LILRB1: variants seen among roughly 807,000 people sequenced by gnomAD.
The protein encoded by LILRB1 is leukocyte immunoglobulin-like receptor subfamily B member 1.
LILRB1 carries 59 observed loss-of-function variants against 74.6 expected under a neutral mutation model. The observed-to-expected ratio is 0.79, with a 90% confidence interval of 0.64 to 0.98. The LOEUF (loss-of-function observed/expected upper bound fraction) is 0.98, where lower values mean the gene tolerates loss of function less well. Among genes scored for constraint, LILRB1 ranks in the 50% least tolerant of loss-of-function variants. LILRB1 has a pLI of 0.00. For synonymous variants in LILRB1, 328 were observed against 333.9 expected (o/e 0.98, Z 0.19); for missense variants, 804 against 822.6 (o/e 0.98, Z 0.28).
Position 54,631,298 on chromosome 19 carries a change from T to C in LILRB1, c.62T>C (p.Val21Ala). ...LGLSLGPRTH[V>A]QAGHLPKPTL... ...CTGAGTCTGGGCCCCCGGACCCACG[T>C]GCAGGCAGGTGAGTCTGTCCCCAGC... Residue 21 changes from valine to alanine, a missense_variant, in exon 3 of 15, where the codon GTG becomes GCG. Physicochemically the swap from Val to Ala is moderately conservative, Grantham distance 64. Transcript: ENST00000324602. 1 of 1,613,374 alleles carries C rather than the reference T, an allele frequency of 6.2e-7. No individual in the cohort carries two copies. Among genetic ancestry groups the C allele is most frequent in the Non-Finnish European group, 8.5e-7 (1 of 1,179,926 alleles).
intron 1 of LILRB1, among the ~76,000 whole-genome samples, chr19:54,620,473 A>C (rs2063426172): frequency 6.6e-6 from 1 of 152,022 alleles, no homozygotes; most frequent in African/African-American, 2.4e-5. Flanking sequence ...CACATTCTTA[A>C]TTTTAAATGC....
At chr19:54,634,433 G>A (rs1460811271) in intron 9 of LILRB1, 2 of 1,520,898 alleles carry the variant, frequency 1.3e-6, no homozygotes, top group Admixed American at 3.9e-5. Flanking sequence ...TCCCAGCTCT[G>A]CCGCTTCCTG....
intron 1 of LILRB1, among the ~76,000 whole-genome samples, chr19:54,622,562 A>C (rs545608677): frequency 7.0e-4 from 107 of 152,344 alleles, no homozygotes; most frequent in African/African-American, 2.5e-3. Context: ...CAAGTCTACG[A>C]GTCTTCTGGA....
rs1490796848 is a variant in LILRB1 at position 54,631,611 on chromosome 19, A to G, written c.182A>G (p.Tyr61Cys). 1 of 1,614,282 alleles carries G rather than the reference A, an allele frequency of 6.2e-7. No individual in the cohort carries two copies. The highest frequency in any genetic ancestry group is 8.5e-7 in the Non-Finnish European group (1 of 1,180,050). The part of the protein sequence containing the change: ...GGQETQEYRL[Y>C]REKKTAPWIT... ...CAGGAGACCCAGGAGTACCGTCTAT[A>G]TAGAGAAAAGAAAACAGCACCCTGG... is the stretch of plus-strand genomic sequence containing the variant. Residue 61 changes from tyrosine to cysteine, a missense_variant, in exon 4 of 15, where the codon TAT becomes TGT. Transcript: ENST00000324602.
upstream of LILRB1, among the ~76,000 whole-genome samples, chr19:54,626,899 A>G (rs911705283): frequency 1.3e-5 from 2 of 152,312 alleles, no homozygotes; most frequent in Middle Eastern, 3.4e-3. Flanking sequence ...GGTGGGGCCC[A>G]TGTGAGCCTC....
intron 4 of LILRB1, 39 bp downstream of exon 4, chr19:54,631,826 C>T (rs1482997402): frequency 5.6e-6 from 9 of 1,609,250 alleles, no homozygotes; most frequent in South Asian, 1.1e-5. Context: ...CAGACTCTGC[C>T]CTCAGGAAGG....
intron 1 of LILRB1, 152 bp from the exon 2 acceptor site, chr19:54,630,874 T>C: frequency 1.5e-6 from 1 of 667,398 alleles, no homozygotes; most frequent in Non-Finnish European, 2.1e-6. Flanking sequence ...GAGGGCCTAG[T>C]GACTGCCCCC....
In LILRB1 at chr19:54,635,491, G is replaced by A. The variant is rs373047969; in HGVS notation, c.1601-66G>A. 235 of 1,570,274 alleles carry A rather than the reference G, an allele frequency of 1.5e-4. 2 individuals are homozygous for A. The East Asian group carries it at 3.1e-3, about 21-fold the overall frequency. ...GGCCCCATCTGGGAGCTGAGCAGGG[G>A]CTGGCAGGACTCAGAGGTCCCAGGG... On this transcript the variant is annotated intron_variant, in intron 12 of 14. Transcript: ENST00000324602.
rs530635990 is a variant in LILRB1, at chr19:54,630,539, G to A, written c.-143G>A. The A allele has an allele frequency of 2.6e-4, 145 of 555,916 alleles. 1 individual carries two copies. The highest frequency in any genetic ancestry group is 2.4e-3 in the African/African-American group (129 of 52,884). The allele number at this position is 555,916 out of a possible 1,614,324, so 34.4% of individuals were successfully genotyped here. ...CAGCTCAGCCTGGGCGGCACAGCCA[G>A]ATGCGAGATGCGTCTCTGCTGATCT... On this transcript the variant is annotated 5_prime_UTR_variant, in exon 1 of 15. Transcript: ENST00000324602.
intron 9 of LILRB1, 160 bp downstream of exon 9, chr19:54,634,181 G>A (rs1053287307): frequency 1.3e-4 from 193 of 1,504,892 alleles, no homozygotes; most frequent in Non-Finnish European, 1.6e-4. Context: ...GCCTGCGGGT[G>A]GGAAAGTTCC....
At chr19:54,631,845 T>A in intron 4 of LILRB1, 58 bp downstream of exon 4, 4 of 1,605,568 alleles carry the variant, frequency 2.5e-6, no homozygotes, top group Non-Finnish European at 3.4e-6. Context: ...GGGGGACGGC[T>A]CTCAGGGGCT....
At position 54,634,344 on chromosome 19, in the gene LILRB1, GTCAGGC is replaced by G. The variant is rs542430145; in HGVS notation, c.1364-294_1364-289del. 487 of 1,541,358 alleles carry G rather than the reference GTCAGGC, an allele frequency of 3.2e-4. 1 individual carries two copies. The African/African-American group carries it at 5.8e-3, about 18-fold the overall frequency. ...GGGAGAAGAGTCATGGTTCAGGACGGTCAGGCTCTTTCCCTGCAGCTCCGGGGCTCG... is the reference window on the plus strand; with the variant it reads ...GGGAGAAGAGTCATGGTTCAGGACGGTCTTTCCCTGCAGCTCCGGGGCTCG... On this transcript the variant is annotated intron_variant, in intron 9 of 14. Coordinates refer to ENST00000324602, the MANE Select transcript of LILRB1 (RefSeq NM_001081637.3).
rs2064220501 is a variant in LILRB1, at chr19:54,634,554, G to T, written c.1364-87G>T. 12 of 1,523,564 alleles carry T rather than the reference G, an allele frequency of 7.9e-6. No individual in the cohort carries two copies. The South Asian group carries it at 1.5e-4, about 18-fold the overall frequency. The allele number at this position is 1,523,564 out of a possible 1,614,324, so 94.4% of individuals were successfully genotyped here. ...ACGACTGTTGTGGGGGTTGGAGGTG[G>T]TGAACAGAAGGTCCAGCAGTCACCT... On this transcript the variant is annotated intron_variant, in intron 9 of 14. Coordinates refer to ENST00000324602, the MANE Select transcript of LILRB1 (RefSeq NM_001081637.3).
In LILRB1 at chr19:54,631,078, C is replaced by A. The variant is rs776700799; in HGVS notation, c.5C>A (p.Thr2Asn). ...AGGGCAGTGGGAGGAGACGCCATGA[C>A]CCCCATCCTCACGGTCCTGATCTGT... M[T>N]PILTVLICLG... Residue 2 changes from threonine to asparagine, a missense_variant, in exon 2 of 15, where the codon ACC (threonine) becomes AAC (asparagine). Thr to Asn is a moderately conservative substitution (Grantham distance 65, BLOSUM62 0). Transcript: ENST00000324602. 49 of 1,614,056 alleles carry A rather than the reference C, an allele frequency of 3.0e-5. No homozygotes were observed. Among genetic ancestry groups the A allele is most frequent in the East Asian group, 2.2e-5 (1 of 44,890 alleles).
chr19:54,632,580 G>A lies in LILRB1; in HGVS notation c.778G>A (p.Asp260Asn), dbSNP rs1156582673. Residue 260 changes from aspartate (D) to asparagine (N), a missense_variant, in exon 6 of 15, where the codon GAC becomes AAC. By Grantham distance (23) the Asp-to-Asn change is conservative (BLOSUM62 1). Transcript: ENST00000324602. Reference protein sequence around the residue: ...AGYNRFVLYKDGERDFLQLAG... With the variant: ...AGYNRFVLYKNGERDFLQLAG... Reference sequence around the variant, plus strand: ...CTACAACAGATTTGTTCTGTATAAGGACGGGGAACGTGACTTCCTTCAGCT... The same window carrying A: ...CTACAACAGATTTGTTCTGTATAAGAACGGGGAACGTGACTTCCTTCAGCT... 6.2e-7 allele frequency: 1 copy of A among 1,614,136 alleles called. No individual in the cohort carries two copies. Among genetic ancestry groups the A allele is most frequent in the Non-Finnish European group, 8.5e-7 (1 of 1,180,014 alleles).
upstream of LILRB1, among the ~76,000 whole-genome samples, chr19:54,627,521 C>T (rs1189027143): frequency 6.6e-6 from 1 of 152,104 alleles, no homozygotes. Context: ...GTCCTTCACC[C>T]CCTCCTGCTT....
chr19:54,637,771 T>C lies in LILRB1; in HGVS notation c.*893T>C, dbSNP rs952551005. 6.6e-6 allele frequency among the ~76,000 whole-genome samples: 1 copy of C among 152,102 alleles called. No individual in the cohort carries two copies. The highest frequency in any genetic ancestry group is 1.5e-5 in the Non-Finnish European group (1 of 68,022). On this transcript the variant is annotated 3_prime_UTR_variant, in exon 15 of 15. Transcript: ENST00000324602. ...GAAAGAGCAGGCATGCATTTCCATA[T>C]GGGAGTGAGCCAGCAGACAGCCCTA...
chr19:54,633,934 G>A (rs772697762), intron 8 of LILRB1, 37 bp from the exon 9 acceptor site: 1 of 1,570,390 alleles, frequency 6.4e-7, no homozygotes, highest in Non-Finnish European at 8.6e-7. Context: ...GTGGGGAGCA[G>A]GGCAGCCCCA....
At chr19:54,618,456 C>T (rs2063370401) in intron 1 of LILRB1, among the ~76,000 whole-genome samples, 1 of 152,174 alleles carries the variant, frequency 6.6e-6, no homozygotes, top group African/African-American at 2.4e-5. Context: ...GCACTTATTG[C>T]ACAAGTGGTT....
Sources: gnomAD v4.1 joint callset for allele counts (sites outside exome capture counted in the v4.1 genomes callset) on GRCh38, gnomAD v4.1.1 for gene constraint, MANE v1.5 for transcripts, NCBI Gene and HGNC (gene_info 2026-07-23, HGNC 2026-07-21) for gene names.